Variants in LLGL2 observed in about 807,000 individuals in gnomAD.
The protein encoded by LLGL2 is LLGL2, scribble cell polarity complex component.
In LLGL2, 81 loss-of-function variants were observed where a neutral mutation model predicts 123.2. The observed-to-expected ratio is 0.66, with a 90% CI of 0.55 to 0.79. The LOEUF (loss-of-function observed/expected upper bound fraction) is 0.79. LLGL2 is among the 30% of genes least tolerant of loss of function. The probability of loss-of-function intolerance (pLI) is 0.00; values close to 1 mark genes in which losing one functional copy is unlikely to be tolerated. For synonymous variants in LLGL2, 577 were observed against 594.1 expected (o/e 0.97, Z 0.42); for missense variants, 1,273 against 1,414.6 (o/e 0.90, Z 1.61).
intron 1 of LLGL2, among the ~76,000 whole-genome samples, chr17:75,539,671 G>A (rs542469170): frequency 1.3e-4 from 20 of 149,726 alleles, no homozygotes; most frequent in Admixed American, 9.3e-4. Context: ...GCAGTGGTGC[G>A]ATCTCAGCTC....
At chr17:75,569,492 T>A (rs920784087) in intron 14 of LLGL2, among the ~76,000 whole-genome samples, 167 bp downstream of exon 14, 11 of 152,170 alleles carry the variant, frequency 7.2e-5, no homozygotes, top group African/African-American at 2.7e-4. Flanking sequence ...GATGGTTGTT[T>A]CTTCTCCAGA....
Position 75,574,655 on chromosome 17 carries a change from C to T in LLGL2, c.3042C>T (p.Leu1014=). ...ATCGAGCCGCCGTGGGGTGCAGCCTCAGCAATGGCGGAGGTGGGGGCTCTG... is the reference window on the plus strand; with the variant it reads ...ATCGAGCCGCCGTGGGGTGCAGCCTTAGCAATGGCGGAGGTGGGGGCTCTG... The part of the protein sequence containing the change: ...RSHRAAVGCS[L]SNGGAE Residue 1014 remains leucine, a synonymous_variant, in exon 25 of 26, where the codon CTC becomes CTT. Coordinates refer to ENST00000392550, the MANE Select transcript of LLGL2 (RefSeq NM_001031803.2). 1 of 1,611,886 alleles carries T rather than the reference C, an allele frequency of 6.2e-7. No individual in the cohort carries two copies. Among genetic ancestry groups the T allele is most frequent in the African/African-American group, 1.3e-5 (1 of 75,010 alleles).
Position 75,571,078 on chromosome 17 carries a change from T to C in LLGL2, c.2154T>C (p.Phe718=), listed in dbSNP as rs367602498. ...SFTGFVRTLY[F]ADTYLKDSSR... ...CAGGCTTCGTCCGGACCCTGTACTTTGCTGACACCTACCTGAAGGACAGTG... is the reference window on the plus strand; with the variant it reads ...CAGGCTTCGTCCGGACCCTGTACTTCGCTGACACCTACCTGAAGGACAGTG... The change falls in exon 17 of 26, where the codon TTT becomes TTC. Residue 718 remains phenylalanine, a synonymous_variant. Transcript: ENST00000392550. The C allele has an allele frequency of 2.5e-6, 4 of 1,606,834 alleles. No homozygotes were observed. In the African/African-American group the frequency reaches 4.0e-5, roughly 16 times the overall value.
intron 2 of LLGL2, among the ~76,000 whole-genome samples, chr17:75,547,145 T>C (rs983944685): frequency 2.0e-5 from 3 of 152,234 alleles, no homozygotes; most frequent in Non-Finnish European, 4.4e-5. Context: ...CCAAGCCCGA[T>C]GCCTCAAAGA....
chr17:75,533,129 A>G (rs996687985), intron 1 of LLGL2, among the ~76,000 whole-genome samples: 12 of 149,980 alleles, frequency 8.0e-5, no homozygotes, highest in Admixed American at 5.4e-4. Flanking sequence ...CCTCCCGAGT[A>G]GCTGGGACTA....
chr17:75,541,983 C>T (rs574256156), intron 1 of LLGL2, among the ~76,000 whole-genome samples: 23 of 151,762 alleles, frequency 1.5e-4, no homozygotes, highest in African/African-American at 2.7e-4. Context: ...CACCTGCCTC[C>T]GCCTCCCAAA....
At position 75,570,446 on chromosome 17, in the gene LLGL2, G is replaced by A. The variant is rs774569798; in HGVS notation, c.1973G>A (p.Arg658His). Residue 658 changes from arginine (R) to histidine (H), a missense_variant, in exon 16 of 26, where the codon CGT (arginine) becomes CAT (histidine). Arg to His is a conservative substitution (Grantham distance 29). Coordinates refer to ENST00000392550, the MANE Select transcript of LLGL2 (RefSeq NM_001031803.2). ...KSLRQSFRRM[R>H]RSRVSSRKRH... ...TTGCGTCAGTCATTCCGCCGGATGC[G>A]TCGGAGCCGGGTGTCCAGCCGGAAG... The A allele has an allele frequency of 5.6e-6, 9 of 1,597,080 alleles. No homozygotes were observed. The highest frequency in any genetic ancestry group is 2.3e-5 in the East Asian group (1 of 44,012).
intron 23 of LLGL2, 25 bp downstream of exon 23, chr17:75,574,285 G>C: frequency 6.9e-7 from 1 of 1,457,440 alleles, no homozygotes; most frequent in Admixed American, 2.1e-5. Flanking sequence ...AGAGGGTGGG[G>C]CTGGCAGGAG....
intron 20 of LLGL2, 50 bp downstream of exon 20, chr17:75,573,328 C>G (rs764054651): frequency 6.4e-7 from 1 of 1,565,160 alleles, no homozygotes; most frequent in Non-Finnish European, 8.7e-7. Flanking sequence ...ACTGCACGGA[C>G]GGGAAGGGTG....
At chr17:75,566,473 CAG>C (rs1007437703) in intron 10 of LLGL2, among the ~76,000 whole-genome samples, 3 of 152,192 alleles carry the variant, frequency 2.0e-5, no homozygotes, top group African/African-American at 4.8e-5. Context: ...AGCATTGGCT[CAG>C]GGGCCAGGTC....
In LLGL2 at chr17:75,568,519, G is replaced by A; in HGVS notation, c.1080G>A (p.Glu360=). 6.2e-7 allele frequency: 1 copy of A among 1,613,532 alleles called. No homozygotes were observed. Among genetic ancestry groups the A allele is most frequent in the African/African-American group, 1.3e-5 (1 of 75,034 alleles). The change falls in exon 11 of 26, where the codon GAG becomes GAA. Residue 360 remains glutamate, a synonymous_variant. Coordinates refer to ENST00000392550, the MANE Select transcript of LLGL2 (RefSeq NM_001031803.2). ...PYALVVLAEE[E]LVVIDLQTAG... ...CCCTGGTGGTGCTGGCTGAGGAGGAGCTGGTGGTGATTGACCTGCAGACAG... is the reference window on the plus strand; with the variant it reads ...CCCTGGTGGTGCTGGCTGAGGAGGAACTGGTGGTGATTGACCTGCAGACAG...
At chr17:75,540,387 G>A (rs1462087670) in intron 1 of LLGL2, among the ~76,000 whole-genome samples, 3 of 152,190 alleles carry the variant, frequency 2.0e-5, no homozygotes, top group African/African-American at 7.2e-5. Context: ...TGATTGGAGT[G>A]AGGGGATACC....
At chr17:75,546,806 G>A (rs112730714) in intron 2 of LLGL2, among the ~76,000 whole-genome samples, 7,786 of 17,478 alleles carry the variant, frequency 0.45, 1,663 homozygotes, top group Non-Finnish European at 0.55. Context: ...CAGCAGACAG[G>A]CGGAGGGCAG....
At chr17:75,552,232 G>C (rs1410716319) in intron 2 of LLGL2, among the ~76,000 whole-genome samples, 1 of 151,972 alleles carries the variant, frequency 6.6e-6, no homozygotes. Flanking sequence ...TGTAATCCCA[G>C]CACTCTGGCA....
At chr17:75,536,363 C>T (rs1568020893) in intron 1 of LLGL2, among the ~76,000 whole-genome samples, 1 of 152,214 alleles carries the variant, frequency 6.6e-6, no homozygotes, top group Non-Finnish European at 1.5e-5. Flanking sequence ...GCCAAGCCCG[C>T]TCCCTGGCCC....
Position 75,563,355 on chromosome 17 carries a change from C to A in LLGL2, c.718C>A (p.Arg240=). ...SQQLENIWWQ[R]DGRLLVSCHS... is the part of the protein sequence containing the mutation. ...GCAACTGGAGAACATCTGGTGGCAG[C>A]GGGACGGCCGCCTGCTCGTCAGCTG... The change falls in exon 8 of 26, where the codon CGG becomes AGG. Residue 240 remains arginine, a synonymous_variant. Transcript: ENST00000392550. The A allele has an allele frequency of 6.2e-7, 1 of 1,612,650 alleles. No individual in the cohort carries two copies. The highest frequency in any genetic ancestry group is 1.1e-5 in the South Asian group (1 of 91,036).
At chr17:75,574,032 C>A in intron 22 of LLGL2, 52 bp downstream of exon 22, 1 of 1,550,294 alleles carries the variant, frequency 6.5e-7, no homozygotes, top group Non-Finnish European at 8.7e-7. Flanking sequence ...CCGGCCCAGA[C>A]CTGGGGCTGG....
chr17:75,554,024 G>A (rs182820842), intron 2 of LLGL2, among the ~76,000 whole-genome samples: 27 of 152,262 alleles, frequency 1.8e-4, no homozygotes, highest in African/African-American at 6.3e-4. Context: ...ATTTTAGGCC[G>A]GGTATGATGG....
At position 75,560,426 on chromosome 17, in the gene LLGL2, C is replaced by CGG. The variant is rs34430025; in HGVS notation, c.530+1022_530+1023dup. 9.9e-5 allele frequency among the ~76,000 whole-genome samples: 15 copies of CGG among 152,084 alleles called. No homozygotes were observed. The South Asian group carries it at 1.0e-3, about 11-fold the overall frequency. On this transcript the variant is annotated intron_variant, in intron 6 of 25. Transcript: ENST00000392550. ...AGTTAGCTGGCGGGAATCTAGTCGG[C>CGG]GGGGGGGCCCAAGTGCCCTGAGAGC...
Sources: allele counts gnomAD v4.1 joint callset (sites outside exome capture counted in the v4.1 genomes callset), GRCh38; gene constraint gnomAD v4.1.1; transcripts MANE v1.5; gene names NCBI Gene and HGNC (gene_info 2026-07-23, HGNC 2026-07-21).